FGD6: variants seen among roughly 807,000 people sequenced by gnomAD.
FGD6 encodes the protein FYVE, RhoGEF and PH domain-containing protein 6.
Under a neutral mutation model 149.4 loss-of-function variants are expected in FGD6, and 90 were observed. The observed-to-expected ratio is 0.60, with a 90% CI of 0.51 to 0.72. The LOEUF (loss-of-function observed/expected upper bound fraction) is 0.72, where lower values mean the gene tolerates loss of function less well. Ranked by LOEUF, FGD6 falls within the 30% of genes least tolerant of loss-of-function variation. FGD6 has a pLI of 0.00. For synonymous variants in FGD6, 527 were observed against 584.0 expected (o/e 0.90, Z 1.41); for missense variants, 1,437 against 1,684.8 (o/e 0.85, Z 2.57).
In FGD6 at chr12:95,108,404, G is replaced by C. The variant is rs768568560; in HGVS notation, c.3208C>G (p.Leu1070Val). ...TMKQGDNFQK[L>V]MQIQYSLNGH... Reference sequence around the variant, plus strand: ...TTTAAGCTGTACTGAATTTGCATAAGTTTCTGAAAGTTGTCCTACAGAAAG... The same window carrying C: ...TTTAAGCTGTACTGAATTTGCATAACTTTCTGAAAGTTGTCCTACAGAAAG... The change falls in exon 11 of 21, where the codon CTT becomes GTT. Residue 1070 changes from leucine (L) to valine (V), a missense_variant. By Grantham distance (32) the Leu-to-Val change is conservative. Coordinates refer to ENST00000343958, the MANE Select transcript of FGD6 (RefSeq NM_018351.4). The C allele has an allele frequency of 6.2e-7, 1 of 1,613,996 alleles. No homozygotes were observed. Among genetic ancestry groups the C allele is most frequent in the African/African-American group, 1.3e-5 (1 of 74,904 alleles).
At chr12:95,211,773 C>T (rs7976767) in intron 1 of FGD6, among the ~76,000 whole-genome samples, 37,512 of 151,990 alleles carry the variant, frequency 0.25, 5,575 homozygotes, top group Admixed American at 0.35. Context: ...CTCCTGACCT[C>T]GTGATCCACC....
intron 8 of FGD6, among the ~76,000 whole-genome samples, chr12:95,116,071 A>T (rs1049134687): frequency 9.2e-5 from 14 of 152,248 alleles, no homozygotes; most frequent in African/African-American, 3.4e-4. Context: ...GCACACACAA[A>T]AAATAAAAAA....
chr12:95,154,106 C>T (rs746556133), intron 3 of FGD6, among the ~76,000 whole-genome samples: 2 of 151,966 alleles, frequency 1.3e-5, no homozygotes, highest in South Asian at 2.1e-4. Context: ...ACTACAGGTG[C>T]GTGCCATCAC....
Position 95,108,253 on chromosome 12 carries a change from A to G in FGD6, c.3264+95T>C, listed in dbSNP as rs1878697152. 4.4e-6 allele frequency: 5 copies of G among 1,126,676 alleles called. No homozygotes were observed. In the Admixed American group the frequency reaches 1.2e-4, roughly 27 times the overall value. 69.8% of individuals were successfully genotyped at this position (1,126,676 alleles called of 1,614,324 possible). A position where few individuals can be genotyped will look rare whatever the true frequency, so the allele number is the denominator to read the frequency against. ...ATCAAAATTGAATCAATGAAGAGTA[A>G]CAAAAACAACCTATTTTTATAAAAT... On this transcript the variant is annotated intron_variant, in intron 11 of 20. Coordinates refer to ENST00000343958, the MANE Select transcript of FGD6 (RefSeq NM_018351.4).
At chr12:95,199,766 A>C (rs1881823356) in intron 2 of FGD6, among the ~76,000 whole-genome samples, 1 of 151,944 alleles carries the variant, frequency 6.6e-6, no homozygotes, top group Non-Finnish European at 1.5e-5. Flanking sequence ...CACAACACCC[A>C]GCTAATTTTT....
At position 95,209,952 on chromosome 12, in the gene FGD6, G is replaced by A. The variant is rs764743067; in HGVS notation, c.1332C>T (p.Thr444=). Residue 444 remains threonine (T), a synonymous_variant, in exon 2 of 21, where the codon ACC becomes ACT. Transcript: ENST00000343958. ...SSMSLAVDEG[T]GFIRCTVSMS... ...TAGATACAGTACATCTTATAAAACC[G>A]GTCCCTTCGTCCACAGCAAGCGACA... The A allele has an allele frequency of 2.8e-5, 45 of 1,611,678 alleles. No individual in the cohort carries two copies. Among genetic ancestry groups the A allele is most frequent in the African/African-American group, 9.4e-5 (7 of 74,726 alleles).
At chr12:95,146,281 T>A (rs913954673) in intron 5 of FGD6, among the ~76,000 whole-genome samples, 1 of 152,214 alleles carries the variant, frequency 6.6e-6, no homozygotes, top group Non-Finnish European at 1.5e-5. Flanking sequence ...ATCTTTTTTT[T>A]ATAAAAGGAT....
At position 95,149,180 on chromosome 12, in the gene FGD6, T is replaced by G. The variant is rs865905350; in HGVS notation, c.2685+3631A>C. On this transcript the variant is annotated intron_variant, in intron 5 of 20. Coordinates refer to ENST00000343958, the MANE Select transcript of FGD6 (RefSeq NM_018351.4). ...ATATAGCATATATAATATTATATAT[T>G]ATATAATATATAGCATATATAATAT... Among the ~76,000 whole-genome samples, 239 of 29,290 alleles carry G rather than the reference T, an allele frequency of 8.2e-3. 118 individuals carry two copies. The highest frequency in any genetic ancestry group is 0.027 in the African/African-American group (103 of 3,752). The allele number at this position is 29,290 out of a possible 152,430, so 19.2% of individuals were successfully genotyped here. A position where few individuals can be genotyped will look rare whatever the true frequency, so the allele number is the denominator to read the frequency against.
chr12:95,101,106 T>C (rs4762459), intron 14 of FGD6: 179,899 of 181,840 alleles, frequency 0.99, 88,996 homozygotes, highest in East Asian at 1. Context: ...GAGGCCAAGG[T>C]GAGTGGATCA....
At chr12:95,132,684 G>A (rs183618419) in intron 8 of FGD6, among the ~76,000 whole-genome samples, 44 of 152,160 alleles carry the variant, frequency 2.9e-4, no homozygotes, top group African/African-American at 7.0e-4. Flanking sequence ...TCCAGGAGGC[G>A]GAGTTTGCAG....
At chr12:95,160,180 AT>A (rs565578358) in intron 3 of FGD6, among the ~76,000 whole-genome samples, 18 of 149,344 alleles carry the variant, frequency 1.2e-4, no homozygotes, top group South Asian at 2.1e-4. Context: ...CCTCATTTCT[AT>A]TTTTTTTTTA....
chr12:95,125,278 G>A (rs942412769), intron 8 of FGD6, among the ~76,000 whole-genome samples: 4 of 152,130 alleles, frequency 2.6e-5, no homozygotes, highest in African/African-American at 7.2e-5. Flanking sequence ...CCAAAAGGCC[G>A]AGAAGCGATG....
intron 8 of FGD6, among the ~76,000 whole-genome samples, chr12:95,124,031 A>G (rs1387918229): frequency 6.6e-6 from 1 of 151,562 alleles, no homozygotes; most frequent in East Asian, 1.9e-4. Context: ...CTCCTGTCTC[A>G]GCCTCCTGAG....
intron 6 of FGD6, among the ~76,000 whole-genome samples, chr12:95,138,246 A>AAATAAATAAATAACTCACTC (rs796444898): frequency 1.4e-5 from 2 of 143,778 alleles, no homozygotes; most frequent in South Asian, 2.2e-4. Flanking sequence ...ATAAATAAAT[A>AAATAAATAAATAACTCACTC]ACTCACTCAC....
chr12:95,138,266 G>T (rs988920925), intron 6 of FGD6, among the ~76,000 whole-genome samples: 1 of 147,374 alleles, frequency 6.8e-6, no homozygotes, highest in East Asian at 2.0e-4. Flanking sequence ...CTCCTTGGAT[G>T]GGCACGATGG....
chr12:95,172,044 G>GGC (rs1555221402), intron 3 of FGD6, among the ~76,000 whole-genome samples: 3 of 139,100 alleles, frequency 2.2e-5, no homozygotes, highest in Middle Eastern at 3.8e-3. Flanking sequence ...AAGGGGGGGG[G>GGC]GGTTGTTATC....
At chr12:95,167,458 G>C (rs1470619828) in intron 3 of FGD6, among the ~76,000 whole-genome samples, 1 of 151,804 alleles carries the variant, frequency 6.6e-6, no homozygotes, top group Non-Finnish European at 1.5e-5. Flanking sequence ...GCATTGCTTT[G>C]TATTTCTTTA....
At chr12:95,118,799 T>C (rs1002756675) in intron 8 of FGD6, among the ~76,000 whole-genome samples, 5 of 152,256 alleles carry the variant, frequency 3.3e-5, no homozygotes, top group Non-Finnish European at 5.9e-5. Context: ...CTAGTCAATA[T>C]GACTTTGTAA....
intron 2 of FGD6, among the ~76,000 whole-genome samples, chr12:95,183,117 T>C (rs1414403046): frequency 6.6e-6 from 1 of 152,236 alleles, no homozygotes; most frequent in Non-Finnish European, 1.5e-5. Context: ...CCTTGACATC[T>C]GGGGAAAATC....
Sources: gnomAD v4.1 joint callset for allele counts (sites outside exome capture counted in the v4.1 genomes callset) on GRCh38, gnomAD v4.1.1 for gene constraint, MANE v1.5 for transcripts, NCBI Gene and HGNC (gene_info 2026-07-23, HGNC 2026-07-21) for gene names.